SGCD: variants seen among roughly 807,000 people sequenced by gnomAD.
The protein encoded by SGCD is delta-sarcoglycan.
A neutral mutation model predicts 36.6 loss-of-function variants in SGCD; 18 were observed. The observed-to-expected ratio is 0.49, with a 90% CI of 0.34 to 0.73. SGCD has a LOEUF of 0.73. Among genes scored for constraint, SGCD ranks in the 30% least tolerant of loss-of-function variants. The pLI is 0.01. For missense variants in SGCD, 387 were observed against 346.7 expected (o/e 1.12, Z -0.92); for synonymous variants, 133 against 130.6 (o/e 1.02, Z -0.12).
chr5:156,639,417 C>T (rs544619858), intron 6 of SGCD, among the ~76,000 whole-genome samples: 19 of 152,294 alleles, frequency 1.2e-4, no homozygotes, highest in African/African-American at 4.3e-4. Context: ...TTATGTATGC[C>T]TGTGTTCAGG....
intron 1 of SGCD, among the ~76,000 whole-genome samples, chr5:155,916,236 C>T (rs549653974): frequency 1.3e-4 from 20 of 151,888 alleles, no homozygotes; most frequent in Admixed American, 2.6e-4. Flanking sequence ...GTTTTAGAGA[C>T]GAGTGAAAAA....
At chr5:156,538,336 TG>T (rs1758204759) in intron 4 of SGCD, among the ~76,000 whole-genome samples, 1 of 152,174 alleles carries the variant, frequency 6.6e-6, no homozygotes, top group African/African-American at 2.4e-5. Flanking sequence ...TGCTTGTTTT[TG>T]ATACCTTTCT....
chr5:155,960,473 T>A (rs1055114969), intron 1 of SGCD, among the ~76,000 whole-genome samples: 2 of 152,002 alleles, frequency 1.3e-5, no homozygotes, highest in African/African-American at 2.4e-5. Flanking sequence ...CTGGTCCAAT[T>A]TCATGGTCCC....
intron 1 of SGCD, among the ~76,000 whole-genome samples, chr5:156,107,815 A>G (rs1761683004): frequency 6.6e-6 from 1 of 152,190 alleles, no homozygotes; most frequent in African/African-American, 2.4e-5. Flanking sequence ...GGAAACAGCA[A>G]TTCTCTTTTT....
chr5:156,617,951 C>T (rs1205408499), intron 6 of SGCD, among the ~76,000 whole-genome samples: 2 of 152,328 alleles, frequency 1.3e-5, no homozygotes, highest in East Asian at 3.9e-4. Context: ...TTACCAGCCA[C>T]GTGAAGTTGG....
intron 3 of SGCD, among the ~76,000 whole-genome samples, chr5:156,502,321 C>T (rs1038470893): frequency 6.6e-6 from 1 of 152,118 alleles, no homozygotes; most frequent in Non-Finnish European, 1.5e-5. Flanking sequence ...GCTGGGATTA[C>T]AGGCGTGAGC....
intron 7 of SGCD, among the ~76,000 whole-genome samples, chr5:156,754,209 G>A (rs1371496331): frequency 6.6e-6 from 1 of 152,174 alleles, no homozygotes; most frequent in East Asian, 1.9e-4. Flanking sequence ...CAAGAATAAA[G>A]CGAATTCTAA....
chr5:156,588,847 G>A (rs906569911), intron 4 of SGCD, among the ~76,000 whole-genome samples: 2 of 152,180 alleles, frequency 1.3e-5, no homozygotes, highest in East Asian at 3.8e-4. Flanking sequence ...TTGAAGAAAG[G>A]ATGACATTAG....
intron 8 of SGCD, 117 bp downstream of exon 8, chr5:156,757,821 AG>A (rs1757399965): frequency 7.3e-7 from 1 of 1,370,174 alleles, no homozygotes; most frequent in Non-Finnish European, 9.5e-7. Context: ...GGAGCCAAGC[AG>A]GTTTTATTTC....
At chr5:156,071,287 T>G (rs1186378850) in intron 1 of SGCD, among the ~76,000 whole-genome samples, 1 of 152,230 alleles carries the variant, frequency 6.6e-6, no homozygotes, top group African/African-American at 2.4e-5. Context: ...AATTTCCCTC[T>G]ACACACTGCT....
At chr5:156,326,315 C>G (rs1187523380), upstream of SGCD, among the ~76,000 whole-genome samples, 1 of 152,192 alleles carries the variant, frequency 6.6e-6, no homozygotes, top group Non-Finnish European at 1.5e-5. Flanking sequence ...CACAGGTGCA[C>G]AGAATTAGGA....
chr5:156,178,578 A>T lies in SGCD; in HGVS notation c.-44+54559A>T, dbSNP rs113194679. ...AATTTTATCTTATAGACAAATGATA[A>T]ATCTTACCCATTGGGCCTTAGTTTT... On this transcript the variant is annotated intron_variant, in intron 3 of 9. Coordinates refer to the SGCD transcript ENST00000517913. 3.0e-4 allele frequency among the ~76,000 whole-genome samples: 45 copies of T among 152,276 alleles called. 1 individual carries two copies. Among genetic ancestry groups the T allele is most frequent in the African/African-American group, 9.4e-4 (39 of 41,556 alleles).
intron 3 of SGCD, among the ~76,000 whole-genome samples, chr5:156,358,191 G>T (rs1769586725): frequency 6.6e-6 from 1 of 152,182 alleles, no homozygotes. Context: ...AGTATCATTT[G>T]GGTCACTCAG....
At chr5:156,552,828 C>G (rs1247774083) in intron 4 of SGCD, among the ~76,000 whole-genome samples, 1 of 152,108 alleles carries the variant, frequency 6.6e-6, no homozygotes, top group Non-Finnish European at 1.5e-5. Context: ...TTCAGAATAC[C>G]TTTTCATCCA....
At chr5:156,596,798 T>C (rs756846108) in intron 6 of SGCD, among the ~76,000 whole-genome samples, 4 of 152,176 alleles carry the variant, frequency 2.6e-5, no homozygotes, top group Non-Finnish European at 5.9e-5. Flanking sequence ...TCAAATTCAG[T>C]GGATCTTGAA....
intron 1 of SGCD, among the ~76,000 whole-genome samples, chr5:155,889,609 AT>A (rs1020802307): frequency 6.6e-6 from 1 of 152,216 alleles, no homozygotes; most frequent in Non-Finnish European, 1.5e-5. Flanking sequence ...CTTGGATCTT[AT>A]TTTTAAAGAG....
chr5:156,675,764 G>A (rs192715190), intron 7 of SGCD, among the ~76,000 whole-genome samples: 1 of 152,238 alleles, frequency 6.6e-6, no homozygotes, highest in Admixed American at 6.5e-5. Flanking sequence ...AGACAGGGTG[G>A]CAGCATTGTC....
At chr5:156,505,534 G>A (rs537042497) in intron 3 of SGCD, among the ~76,000 whole-genome samples, 1 of 152,292 alleles carries the variant, frequency 6.6e-6, no homozygotes, top group Admixed American at 6.5e-5. Flanking sequence ...AACATAGTGA[G>A]GTAGGTTGGG....
intron 3 of SGCD, among the ~76,000 whole-genome samples, chr5:156,197,044 G>T (rs952857733): frequency 6.6e-6 from 1 of 152,052 alleles, no homozygotes; most frequent in Non-Finnish European, 1.5e-5. Flanking sequence ...AATGGCCATT[G>T]CTTATTTAAA....
Sources: allele counts gnomAD v4.1 joint callset (sites outside exome capture counted in the v4.1 genomes callset), GRCh38; gene constraint gnomAD v4.1.1; transcripts MANE v1.5; gene names NCBI Gene and HGNC (gene_info 2026-07-23, HGNC 2026-07-21).